The following MCM4 variants were observed in gnomAD, a reference collection of about 807,000 sequenced individuals.
The protein encoded by MCM4 is DNA replication licensing factor MCM4.
In MCM4, 60 loss-of-function variants were observed where a neutral mutation model predicts 88.7. That is an observed-to-expected ratio of 0.68 (90% CI 0.55 to 0.84). The LOEUF (loss-of-function observed/expected upper bound fraction) is 0.84, where lower values mean the gene tolerates loss of function less well. Among genes scored for constraint, MCM4 ranks in the 40% least tolerant of loss-of-function variants. The pLI, the probability that MCM4 is intolerant of heterozygous loss-of-function variation, is 0.00. For missense variants in MCM4, 1,149 were observed against 1,105.5 expected (o/e 1.04, Z -0.56); for synonymous variants, 465 against 410.5 (o/e 1.13, Z -1.61).
chr8:47,969,497 A>T (rs1368115006), intron 10 of MCM4: 1 of 344,436 alleles, frequency 2.9e-6, no homozygotes, highest in Non-Finnish European at 5.4e-6. Context: ...ACCTCAGGTG[A>T]TCCGCCTGCC....
At chr8:47,961,482 TA>T (rs749629807) in intron 2 of MCM4, 33 bp from the exon 3 acceptor site, 1 of 1,613,032 alleles carries the variant, frequency 6.2e-7, no homozygotes, top group South Asian at 1.1e-5. Context: ...CCCTGAAAGT[TA>T]ATGGCTGTCT....
intron 5 of MCM4, 75 bp downstream of exon 5, chr8:47,962,481 A>G (rs952116893): frequency 1.7e-4 from 243 of 1,463,066 alleles, no homozygotes; most frequent in Non-Finnish European, 1.9e-4. Context: ...TCTATATCTA[A>G]GTAGCCATAA....
intron 9 of MCM4, 105 bp from the exon 10 acceptor site, chr8:47,967,260 A>T: frequency 8.6e-7 from 1 of 1,162,978 alleles, no homozygotes; most frequent in Non-Finnish European, 1.2e-6. Flanking sequence ...TTATGTGGGG[A>T]TATGCACTGC....
chr8:47,963,446 A>G (rs541105531), intron 7 of MCM4, among the ~76,000 whole-genome samples: 1 of 152,080 alleles, frequency 6.6e-6, no homozygotes, highest in South Asian at 2.1e-4. Context: ...GTGAGATTCC[A>G]TCTCAAACAA....
Position 47,972,982 on chromosome 8 carries a change from C to T in MCM4, c.2054C>T (p.Ala685Val), listed in dbSNP as rs763060839. Residue 685 changes from alanine to valine, a missense_variant, in exon 14 of 17, where the codon GCG becomes GTG. Transcript: ENST00000649973. ...GCAGAGGAGGAGCTCCTGGACATGGCGGTGCTAAAGGACTACATTGCCTAC... is the reference window on the plus strand; with the variant it reads ...GCAGAGGAGGAGCTCCTGGACATGGTGGTGCTAAAGGACTACATTGCCTAC... ...EQAEEELLDM[A>V]VLKDYIAYAH... 1.2e-5 allele frequency: 20 copies of T among 1,613,968 alleles called. No individual in the cohort carries two copies. The highest frequency in any genetic ancestry group is 1.6e-4 in the Middle Eastern group (1 of 6,076).
rs761286103 is a variant in MCM4, at chr8:47,967,483, C to T, written c.1172C>T (p.Thr391Ile). 2 of 1,614,140 alleles carry T rather than the reference C, an allele frequency of 1.2e-6. No individual in the cohort carries two copies. The highest frequency in any genetic ancestry group is 1.7e-5 in the Admixed American group (1 of 60,014). The part of the protein sequence containing the change: ...KVQPGDRVNV[T>I]GIYRAVPIRV... ...CAGCCTGGGGACAGAGTGAATGTTA[C>T]AGGTAAGAGTGTAGGTTTGCACCAG... Residue 391 changes from threonine to isoleucine, a missense_variant and splice_region_variant, in exon 10 of 17, where the codon ACA (threonine) becomes ATA (isoleucine). Thr to Ile is a moderately conservative substitution (Grantham distance 89). Transcript: ENST00000649973.
Position 47,961,025 on chromosome 8 carries a change from G to T in MCM4, c.-15+11G>T. 9.0e-7 allele frequency: 1 copy of T among 1,106,022 alleles called. No individual in the cohort carries two copies. The highest frequency in any genetic ancestry group is 1.2e-6 in the Non-Finnish European group (1 of 824,542). The allele number at this position is 1,106,022 out of a possible 1,614,324, so 68.5% of individuals were successfully genotyped here. A position where few individuals can be genotyped will look rare whatever the true frequency, so the allele number is the denominator to read the frequency against. ...GGCCGCCTTTCCACGGTAACCGCGC[G>T]CCGGCGGGGAGGGCGTGGCGCGGAG... On this transcript the variant is annotated intron_variant, in intron 1 of 16. Coordinates refer to ENST00000649973, the MANE Select transcript of MCM4 (RefSeq NM_182746.3).
intron 8 of MCM4, 64 bp from the exon 9 acceptor site, chr8:47,966,123 C>G: frequency 1.5e-6 from 2 of 1,372,220 alleles, no homozygotes; most frequent in African/African-American, 2.8e-5. Flanking sequence ...TGTCTGTGAT[C>G]CCAGCTATTC....
intron 14 of MCM4, 116 bp downstream of exon 14, chr8:47,973,180 C>T: frequency 1.0e-6 from 1 of 1,001,788 alleles, no homozygotes; most frequent in Non-Finnish European, 1.4e-6. Context: ...CTGTTCTCTT[C>T]CTTGTTTTGA....
At position 47,969,105 on chromosome 8, in the gene MCM4, AG is replaced by A. The variant is rs1377732190; in HGVS notation, c.1175-690del. 2.6e-5 allele frequency: 4 copies of A among 152,452 alleles called. No homozygotes were observed. In the East Asian group the frequency reaches 7.7e-4, roughly 29 times the overall value. 9.4% of individuals were successfully genotyped at this position (152,452 alleles called of 1,614,324 possible). On this transcript the variant is annotated intron_variant, in intron 10 of 16. Coordinates refer to ENST00000649973, the MANE Select transcript of MCM4 (RefSeq NM_182746.3). ...AGCACAGCAGCTCCATTTCACCCTCAGGGTGACTGTGCCCGTGGGCATGCTC... is the reference window on the plus strand; with the variant it reads ...AGCACAGCAGCTCCATTTCACCCTCAGGTGACTGTGCCCGTGGGCATGCTC...
At position 47,971,448 on chromosome 8, in the gene MCM4, G is replaced by T. The variant is rs745688232; in HGVS notation, c.1908G>T (p.Leu636=). 1 of 1,613,886 alleles carries T rather than the reference G, an allele frequency of 6.2e-7. No homozygotes were observed. Among genetic ancestry groups the T allele is most frequent in the African/African-American group, 1.3e-5 (1 of 74,876 alleles). ...PKKTTIENIQ[L]PHTLLSRFDL... The stretch of plus-strand genomic sequence containing the variant: ...AAACAACCATTGAAAACATCCAGCT[G>T]CCTCATACTTTATTATCAAGGTATT... The change falls in exon 13 of 17, where the codon CTG becomes CTT. Residue 636 remains leucine, a synonymous_variant. Transcript: ENST00000649973.
chr8:47,966,283 C>T lies in MCM4; in HGVS notation c.929C>T (p.Ala310Val). ...GCCTTCTTCCAGTGCCAAGTGTGTGCCCACACGACCCGGGTGGAGATGGAC... is the reference window on the plus strand; with the variant it reads ...GCCTTCTTCCAGTGCCAAGTGTGTGTCCACACGACCCGGGTGGAGATGGAC... ...QEAFFQCQVC[A>V]HTTRVEMDRG... The change falls in exon 9 of 17, where the codon GCC becomes GTC. Residue 310 changes from alanine to valine, a missense_variant. Physicochemically the swap from Ala to Val is moderately conservative, Grantham distance 64 (BLOSUM62 0). Around this residue, in one of 3 missense-constraint regions of MCM4, gnomAD observed 906 missense variants for 843.0 expected, o/e 1.07. Coordinates refer to ENST00000649973, the MANE Select transcript of MCM4 (RefSeq NM_182746.3). The T allele has an allele frequency of 6.2e-7, 1 of 1,614,064 alleles. No homozygotes were observed. The highest frequency in any genetic ancestry group is 8.5e-7 in the Non-Finnish European group (1 of 1,180,016).
rs1329674577 is a variant in MCM4, at chr8:47,974,624, ATC to A, written c.2137-108_2137-107del. 11 of 819,394 alleles carry A rather than the reference ATC, an allele frequency of 1.3e-5. No individual in the cohort carries two copies. In the Admixed American group the frequency reaches 1.4e-4, roughly 11 times the overall value. The allele number at this position is 819,394 out of a possible 1,614,324, so 50.8% of individuals were successfully genotyped here. On this transcript the variant is annotated intron_variant, in intron 14 of 16. Transcript: ENST00000649973. ...GATGAGCTCCGGGGCCCAGGACCAT[ATC>A]TGAGTTCCGTTTACTTAATGGAAGC...
Position 47,961,171 on chromosome 8 carries a change from C to A in MCM4, c.27C>A (p.Ser9Arg). 6.4e-7 allele frequency: 1 copy of A among 1,551,694 alleles called. No individual in the cohort carries two copies. Among genetic ancestry groups the A allele is most frequent in the East Asian group, 2.6e-5 (1 of 39,150 alleles). The change falls in exon 2 of 17, where the codon AGC becomes AGA. Residue 9 changes from serine (S) to arginine (R), a missense_variant. Coordinates refer to ENST00000649973, the MANE Select transcript of MCM4 (RefSeq NM_182746.3). ...TGTCGTCCCCGGCGTCGACCCCGAG[C>A]CGCCGCGGCAGCCGGCGTGGAAGGG... is the stretch of plus-strand genomic sequence containing the variant. MSSPASTPSRRGSRRGRAT... is the reference protein window; with the variant it reads MSSPASTPRRRGSRRGRAT...
At position 47,967,263 on chromosome 8, in the gene MCM4, T is replaced by C. The variant is rs537155727; in HGVS notation, c.1054-102T>C. The C allele has an allele frequency of 1.3e-5, 16 of 1,222,634 alleles. No individual in the cohort carries two copies. The African/African-American group carries it at 2.0e-4, about 15-fold the overall frequency. 75.7% of individuals were successfully genotyped at this position (1,222,634 alleles called of 1,614,324 possible). On this transcript the variant is annotated intron_variant, in intron 9 of 16. Transcript: ENST00000649973. ...ATGGACAATCATTTATGTGGGGATA[T>C]GCACTGCAGCCTTATATGGCAAAAG... is the stretch of plus-strand genomic sequence containing the variant.
chr8:47,970,339 C>T (rs9657054), intron 11 of MCM4, among the ~76,000 whole-genome samples, 172 bp from the exon 12 acceptor site: 34,227 of 152,154 alleles, frequency 0.22, 7,465 homozygotes, highest in African/African-American at 0.56. Flanking sequence ...TGCTGATGAA[C>T]TGGTCAGTGA....
chr8:47,966,133 C>T, intron 8 of MCM4, 54 bp from the exon 9 acceptor site: 2 of 1,458,962 alleles, frequency 1.4e-6, no homozygotes, highest in Non-Finnish European at 1.9e-6. Flanking sequence ...CCCAGCTATT[C>T]CTGGACCTCC....
intron 8 of MCM4, 98 bp downstream of exon 8, chr8:47,964,810 G>A (rs1223935961): frequency 1.2e-5 from 12 of 1,023,222 alleles, no homozygotes; most frequent in South Asian, 3.5e-5. Context: ...AGTAATTGGC[G>A]GTGGTAGTCA....
intron 14 of MCM4, chr8:47,973,543 A>G (rs932857843): frequency 2.6e-5 from 4 of 154,500 alleles, no homozygotes; most frequent in African/African-American, 7.4e-5. Context: ...CCCAGGCTGG[A>G]CTGCAGTGGC....
Sources: allele counts gnomAD v4.1 joint callset (sites outside exome capture counted in the v4.1 genomes callset), GRCh38; gene constraint gnomAD v4.1.1; regional missense constraint gnomAD v4.1.1; transcripts MANE v1.5; gene names NCBI Gene and HGNC (gene_info 2026-07-23, HGNC 2026-07-21).